Variants in POU2F2 observed in about 807,000 individuals in gnomAD.
POU2F2 encodes POU domain, class 2, transcription factor 2.
POU2F2 carries 14 observed loss-of-function variants against 63.5 expected under a neutral mutation model. That is an observed-to-expected ratio of 0.22 (90% CI 0.15 to 0.34). POU2F2 has a LOEUF of 0.34. Among genes scored for constraint, POU2F2 ranks in the 10% least tolerant of loss-of-function variants. The pLI is 1.00. For synonymous variants in POU2F2, 306 were observed against 348.6 expected (o/e 0.88, Z 1.36); for missense variants, 607 against 815.2 (o/e 0.74, Z 3.11).
At chr19:42,188,394 G>A (rs1221312976) in intron 1 of POU2F2, among the ~76,000 whole-genome samples, 1 of 151,716 alleles carries the variant, frequency 6.6e-6, no homozygotes, top group African/African-American at 2.4e-5. Context: ...AAAAGGGCCG[G>A]GTGCAGAGGC....
At chr19:42,142,559 A>G (rs558201623) in intron 2 of POU2F2, among the ~76,000 whole-genome samples, 126 of 145,538 alleles carry the variant, frequency 8.7e-4, no homozygotes, top group Admixed American at 2.0e-3. Flanking sequence ...GGGGTTTTTT[A>G]TTTGTTTTTG....
At chr19:42,166,116 C>A (rs985942175) in intron 1 of POU2F2, among the ~76,000 whole-genome samples, 1 of 152,180 alleles carries the variant, frequency 6.6e-6, no homozygotes, top group African/African-American at 2.4e-5. Context: ...CCGCAATGGC[C>A]CCCAAACTAT....
chr19:42,105,875 C>G (rs1028444329), intron 5 of POU2F2, among the ~76,000 whole-genome samples: 1 of 151,570 alleles, frequency 6.6e-6, no homozygotes, highest in African/African-American at 2.4e-5. Flanking sequence ...AGAGAGGGGT[C>G]TAAAACAATA....
intron 5 of POU2F2, among the ~76,000 whole-genome samples, chr19:42,102,397 G>A (rs142800534): frequency 3.2e-4 from 48 of 152,264 alleles, no homozygotes; most frequent in African/African-American, 1.1e-3. Flanking sequence ...TTCCATGGGT[G>A]TGCTCACAGC....
intron 1 of POU2F2, among the ~76,000 whole-genome samples, chr19:42,165,533 C>T (rs1310527323): frequency 6.6e-6 from 1 of 152,170 alleles, no homozygotes; most frequent in Non-Finnish European, 1.5e-5. Context: ...GGGACAACTG[C>T]AAGAACAAGT....
intron 5 of POU2F2, among the ~76,000 whole-genome samples, chr19:42,100,369 G>A (rs1040554437): frequency 9.9e-5 from 15 of 151,892 alleles, no homozygotes; most frequent in Admixed American, 2.0e-4. Context: ...GATTACAGGC[G>A]TGAGTCACCG....
intron 5 of POU2F2, among the ~76,000 whole-genome samples, chr19:42,100,690 G>A (rs532100121): frequency 6.6e-6 from 1 of 152,058 alleles, no homozygotes; most frequent in Non-Finnish European, 1.5e-5. Flanking sequence ...GGCATAGGTT[G>A]CAGTGAGCCG....
At chr19:42,188,669 C>CAA (rs998040622) in intron 1 of POU2F2, among the ~76,000 whole-genome samples, 5 of 38,138 alleles carry the variant, frequency 1.3e-4, no homozygotes, top group East Asian at 8.9e-4. Context: ...GAGTTCATCT[C>CAA]AAAAAAAAAA....
intron 5 of POU2F2, chr19:42,110,591 C>A (rs1327597687): frequency 1.4e-5 from 4 of 283,610 alleles, no homozygotes; most frequent in African/African-American, 6.7e-5. Flanking sequence ...TCCCTCTGGG[C>A]CCCAGCCTCC....
upstream of POU2F2, among the ~76,000 whole-genome samples, chr19:42,176,400 C>A (rs1188075639): frequency 1.3e-5 from 2 of 152,088 alleles, no homozygotes; most frequent in Non-Finnish European, 2.9e-5. Context: ...CCACTGCCTG[C>A]CTCTTTCCTC....
chr19:42,197,739 A>C (rs1013353850), upstream of POU2F2, among the ~76,000 whole-genome samples: 1 of 152,166 alleles, frequency 6.6e-6, no homozygotes, highest in African/African-American at 2.4e-5. Flanking sequence ...AGAGAAGGTT[A>C]ATGTCCAGGT....
chr19:42,124,467 C>G (rs937175811), intron 1 of POU2F2, among the ~76,000 whole-genome samples: 1 of 149,690 alleles, frequency 6.7e-6, no homozygotes, highest in African/African-American at 2.5e-5. Flanking sequence ...ATTAAAAAAA[C>G]AGGTCATGCA....
At position 42,169,441 on chromosome 19, in the gene POU2F2, T is replaced by C. The variant is rs115411546; in HGVS notation, c.-70+6522A>G. Among the ~76,000 whole-genome samples, 1,008 of 152,352 alleles carry C rather than the reference T, an allele frequency of 6.6e-3. 14 individuals carry two copies. The highest frequency in any genetic ancestry group is 0.023 in the African/African-American group (964 of 41,580). ...TTTCATACCTGTGTCTGAGTATGTG[T>C]TTACCCCTGTTTCCAAACCTGGTGT... On this transcript the variant is annotated intron_variant, in intron 1 of 6. Transcript: ENST00000524801. This position sits in a 1 kb window ranked among gnomAD's most constrained non-coding sequence, Gnocchi z 4.3.
At chr19:42,175,972 C>CG (rs1431146795) in exon 1 of POU2F2, 1 of 152,016 alleles carries the variant, frequency 6.6e-6, no homozygotes, top group Admixed American at 6.5e-5. Context: ...CCTCTCCCCC[C>CG]CCATTGCACC....
At chr19:42,125,408 T>G (rs1600138468) in intron 1 of POU2F2, among the ~76,000 whole-genome samples, 24 of 139,608 alleles carry the variant, frequency 1.7e-4, no homozygotes, top group African/African-American at 3.2e-4. Flanking sequence ...GGGTGGGGAG[T>G]GGGTGCCCAG....
chr19:42,164,472 G>A (rs985905204), intron 1 of POU2F2, among the ~76,000 whole-genome samples: 1 of 151,978 alleles, frequency 6.6e-6, no homozygotes, highest in Non-Finnish European at 1.5e-5. Context: ...TTGGGAGGCT[G>A]AGGCAGGAGA....
chr19:42,150,949 C>G (rs2034335493), intron 2 of POU2F2, among the ~76,000 whole-genome samples: 1 of 152,182 alleles, frequency 6.6e-6, no homozygotes, highest in Admixed American at 6.5e-5. Flanking sequence ...TGTGGATGCC[C>G]ATCTCCCCCT....
upstream of POU2F2, among the ~76,000 whole-genome samples, chr19:42,196,770 TCTGGAGGCG>T (rs1232084013): frequency 7.9e-5 from 12 of 152,248 alleles, no homozygotes; most frequent in African/African-American, 2.9e-4. Flanking sequence ...TCAGGGAGGC[TCTGGAGGCG>T]CGAGCCTCTG....
intron 1 of POU2F2, among the ~76,000 whole-genome samples, chr19:42,168,338 G>A (rs957904953): frequency 1.3e-5 from 2 of 152,118 alleles, no homozygotes; most frequent in African/African-American, 2.4e-5. Flanking sequence ...GTGGTTATGT[G>A]GTGCGCCCTG....
Sources: gnomAD v4.1 joint callset for allele counts (sites outside exome capture counted in the v4.1 genomes callset) on GRCh38, gnomAD v4.1.1 for gene constraint, Gnocchi (gnomAD v3.1) non-coding constraint, MANE v1.5 for transcripts, NCBI Gene and HGNC (gene_info 2026-07-23, HGNC 2026-07-21) for gene names.